ELAVL3: variants seen among roughly 807,000 people sequenced by gnomAD.
ELAVL3 encodes ELAV-like protein 3.
ELAVL3 carries 8 observed loss-of-function variants against 34.2 expected under a neutral mutation model. The ratio of observed to expected loss-of-function variants is 0.23; its 90% CI spans 0.14 to 0.42. The LOEUF is 0.42. Ranked by LOEUF, ELAVL3 falls within the 10% of genes least tolerant of loss-of-function variation. ELAVL3 has a pLI of 1.00. For missense variants in ELAVL3, 273 were observed against 518.8 expected, an observed-to-expected ratio of 0.53 and a Z score of 4.60; for synonymous variants, 209 against 222.1, an observed-to-expected ratio of 0.94 and a Z score of 0.53.
chr19:11,466,421 G>T lies in ELAVL3; in HGVS notation c.230-146C>A. On this transcript the variant is annotated intron_variant, in intron 2 of 6. Coordinates refer to ENST00000359227, the MANE Select transcript of ELAVL3 (RefSeq NM_001420.4). This position sits in a 1 kb window ranked among gnomAD's most constrained non-coding sequence, Gnocchi z 5.0. ...CACCTTCGATGCTAGAGTCCCACCT[G>T]CCTCCATCGCTCCTGAGACCTTCAC... 1.0e-6 allele frequency: 1 copy of T among 989,612 alleles called. No homozygotes were observed. Among genetic ancestry groups the T allele is most frequent in the Non-Finnish European group, 1.5e-6 (1 of 650,366 alleles). 61.3% of individuals were successfully genotyped at this position (989,612 alleles called of 1,614,324 possible). A position where few individuals can be genotyped will look rare whatever the true frequency, so the allele number is the denominator to read the frequency against.
Position 11,452,510 on chromosome 19 carries a change from C to CTG in ELAVL3, c.*2014_*2015dup, listed in dbSNP as rs1970670867. 1 of 126,496 alleles carries CTG rather than the reference C, an allele frequency of 7.9e-6. No homozygotes were observed. Among genetic ancestry groups the CTG allele is most frequent in the African/African-American group, 3.0e-5 (1 of 33,818 alleles). The allele number at this position is 126,496 out of a possible 1,614,324, so 7.8% of individuals were successfully genotyped here. ...TTCCTTTTTTTTTTTTAAATCTCTT[C>CTG]TGTGTGTTTTCTTTTTTTGTTGCTT... On this transcript the variant is annotated 3_prime_UTR_variant, in exon 7 of 7. Transcript: ENST00000359227.
chr19:11,466,813 G>A lies in ELAVL3; in HGVS notation c.24C>T (p.Ala8=). The part of the protein sequence containing the change: MVTQILG[A]MESQVGGGPA... ...GGCCCCCCCCCACCTGAGACTCCAT[G>A]GCCCCCAGTATCTGCTGGAGATAAC... is the stretch of plus-strand genomic sequence containing the variant. Residue 8 remains alanine (A), a synonymous_variant, in exon 2 of 7, where the codon GCC becomes GCT. Transcript: ENST00000359227. This position sits in a 1 kb window ranked among gnomAD's most constrained non-coding sequence, Gnocchi z 5.0. 1.2e-6 allele frequency: 2 copies of A among 1,607,302 alleles called. No homozygotes were observed. Among genetic ancestry groups the A allele is most frequent in the Non-Finnish European group, 1.7e-6 (2 of 1,176,748 alleles).
Position 11,464,167 on chromosome 19 carries a change from A to ATTTTTT in ELAVL3, c.333+1999_333+2004dup, listed in dbSNP as rs1236599277. ...TCTCTCTCTCTATATATATATATAT[A>ATTTTTT]TTTTTTTTTTTTTTAGACAGGGTCT... On this transcript the variant is annotated intron_variant, in intron 3 of 6. Coordinates refer to ENST00000359227, the MANE Select transcript of ELAVL3 (RefSeq NM_001420.4). Among the ~76,000 whole-genome samples, 274 of 103,832 alleles carry ATTTTTT rather than the reference A, an allele frequency of 2.6e-3. 1 individual carries two copies. Among genetic ancestry groups the ATTTTTT allele is most frequent in the African/African-American group, 0.011 (262 of 23,102 alleles). 68.1% of individuals were successfully genotyped at this position (103,832 alleles called of 152,430 possible). A position where few individuals can be genotyped will look rare whatever the true frequency, so the allele number is the denominator to read the frequency against.
In ELAVL3 at chr19:11,466,202, G is replaced by A. The variant is rs200694453; in HGVS notation, c.303C>T (p.Asn101=). 8.0e-5 allele frequency: 129 copies of A among 1,613,786 alleles called. No homozygotes were observed. The South Asian group carries it at 8.6e-4, about 11-fold the overall frequency. The stretch of plus-strand genomic sequence containing the variant: ...TGGTCTTCGTCTGTAATTTGAGGCC[G>A]TTGAGGGTGTTGATGGCTTTGTCTG... ...NDADKAINTL[N]GLKLQTKTIK... The change falls in exon 3 of 7, where the codon AAC becomes AAT. Residue 101 remains asparagine (N), a synonymous_variant. Transcript: ENST00000359227. The surrounding 1 kb of genome is among the most constrained non-coding windows in gnomAD (Gnocchi z 5.0).
chr19:11,465,944 G>C (rs1410010981), intron 3 of ELAVL3, among the ~76,000 whole-genome samples: 1 of 152,128 alleles, frequency 6.6e-6, no homozygotes, highest in African/African-American at 2.4e-5. Flanking sequence ...AGAGATCGTG[G>C]AGCCAGTACT....
intron 1 of ELAVL3, among the ~76,000 whole-genome samples, chr19:11,468,279 T>C (rs527323553): frequency 1.8e-3 from 267 of 152,322 alleles, no homozygotes; most frequent in Non-Finnish European, 3.2e-3. Context: ...TATTTTGTTC[T>C]TTTGCTTTTA....
chr19:11,460,649 G>T (rs1037571276), intron 3 of ELAVL3, among the ~76,000 whole-genome samples: 1 of 151,892 alleles, frequency 6.6e-6, no homozygotes, highest in Non-Finnish European at 1.5e-5. Context: ...TCTCTGCCTG[G>T]AATGCTCTTC....
rs1165917141 is a variant in ELAVL3 at position 11,464,123 on chromosome 19, G to GTCTCTC, written c.333+2043_333+2048dup. Reference sequence around the variant, plus strand: ...CCTCTCTCTCTCTCTGTCTCTCTCTGTCTCTCTCTCTCTCTCTCTCTCTCT... The same window carrying GTCTCTC: ...CCTCTCTCTCTCTCTGTCTCTCTCTGTCTCTCTCTCTCTCTCTCTCTCTCTCTCTCT... On this transcript the variant is annotated intron_variant, in intron 3 of 6. Coordinates refer to ENST00000359227, the MANE Select transcript of ELAVL3 (RefSeq NM_001420.4). 4.0e-3 allele frequency among the ~76,000 whole-genome samples: 446 copies of GTCTCTC among 110,920 alleles called. 2 individuals are homozygous for GTCTCTC. The highest frequency in any genetic ancestry group is 0.018 in the Middle Eastern group (4 of 226). 72.8% of individuals were successfully genotyped at this position (110,920 alleles called of 152,430 possible).
Position 11,454,524 on chromosome 19 carries a change from G to T in ELAVL3, c.*2C>A. On this transcript the variant is annotated 3_prime_UTR_variant, in exon 7 of 7. Transcript: ENST00000359227. This position sits in a 1 kb window ranked among gnomAD's most constrained non-coding sequence, Gnocchi z 9.2. ...GGGGGTGGGAGGGCAGGCGGGGTGG[G>T]CTCACGCCTTGTGCTGTTTGCTGGT... is the stretch of plus-strand genomic sequence containing the variant. The T allele has an allele frequency of 6.3e-7, 1 of 1,592,988 alleles. No individual in the cohort carries two copies. The highest frequency in any genetic ancestry group is 1.1e-5 in the South Asian group (1 of 88,876).
Position 11,466,429 on chromosome 19 carries a change from C to T in ELAVL3, c.230-154G>A, listed in dbSNP as rs1409451330. Among the ~76,000 whole-genome samples, 10 of 151,896 alleles carry T rather than the reference C, an allele frequency of 6.6e-5. No individual in the cohort carries two copies. Among genetic ancestry groups the T allele is most frequent in the African/African-American group, 1.9e-4 (8 of 41,300 alleles). ...ATGCTAGAGTCCCACCTGCCTCCATCGCTCCTGAGACCTTCACCTAGGGGG... is the reference window on the plus strand; with the variant it reads ...ATGCTAGAGTCCCACCTGCCTCCATTGCTCCTGAGACCTTCACCTAGGGGG... On this transcript the variant is annotated intron_variant, in intron 2 of 6. Coordinates refer to ENST00000359227, the MANE Select transcript of ELAVL3 (RefSeq NM_001420.4). The surrounding 1 kb of genome is among the most constrained non-coding windows in gnomAD (Gnocchi z 5.0).
Position 11,458,078 on chromosome 19 carries a change from A to C in ELAVL3, c.696T>G (p.His232Gln). ...SARRYAGPLHHQTQRFRLDNL... is the reference protein window; with the variant it reads ...SARRYAGPLHQQTQRFRLDNL... ...GGGCTCACCGGAAACGCTGGGTCTG[A>C]TGGTGTAGGGGGCCTGCGTAGCGCC... Residue 232 changes from histidine (H) to glutamine (Q), a missense_variant, in exon 5 of 7, where the codon CAT becomes CAG. Physicochemically the swap from His to Gln is conservative, Grantham distance 24. Around this residue, in one of 4 missense-constraint regions of ELAVL3, gnomAD observed 79 missense variants for 108.2 expected, o/e 0.73. Transcript: ENST00000359227. The surrounding 1 kb of genome is among the most constrained non-coding windows in gnomAD (Gnocchi z 7.3). 1 of 1,613,022 alleles carries C rather than the reference A, an allele frequency of 6.2e-7. No homozygotes were observed. Among genetic ancestry groups the C allele is most frequent in the African/African-American group, 1.3e-5 (1 of 75,030 alleles).
rs1250913822 is a variant in ELAVL3, at chr19:11,480,333, G to A, written c.9+267C>T. The A allele has an allele frequency of 5.0e-6, 2 of 397,662 alleles. No homozygotes were observed. Among genetic ancestry groups the A allele is most frequent in the African/African-American group, 4.1e-5 (2 of 48,254 alleles). 24.6% of individuals were successfully genotyped at this position (397,662 alleles called of 1,614,324 possible). On this transcript the variant is annotated intron_variant, in intron 1 of 6. Transcript: ENST00000359227. The surrounding 1 kb of genome is among the most constrained non-coding windows in gnomAD (Gnocchi z 6.8). ...TCCCCCATCAGGCCTGCTGGAGAGG[G>A]GGCAATCCCGCCTCCAGGGCGGCGT...
Position 11,478,373 on chromosome 19 carries a change from C to T in ELAVL3, c.9+2227G>A, listed in dbSNP as rs142720087. On this transcript the variant is annotated intron_variant, in intron 1 of 6. Coordinates refer to ENST00000359227, the MANE Select transcript of ELAVL3 (RefSeq NM_001420.4). ...TATCTCGTTTCCTCTGTGGCTGAGC[C>T]GGCTGAGCTGATAATGGGGATCAGA... 1.7e-3 allele frequency among the ~76,000 whole-genome samples: 257 copies of T among 152,198 alleles called. 1 individual carries two copies. Among genetic ancestry groups the T allele is most frequent in the Non-Finnish European group, 2.7e-3 (186 of 68,012 alleles).
intron 3 of ELAVL3, among the ~76,000 whole-genome samples, chr19:11,462,245 T>TG (rs1270098646): frequency 6.7e-6 from 1 of 149,356 alleles, no homozygotes; most frequent in Middle Eastern, 3.2e-3. Context: ...TGAGAGTGAA[T>TG]GGGGGGCAGG....
rs967467863 is a variant in ELAVL3, at chr19:11,475,901, C to T, written c.9+4699G>A. On this transcript the variant is annotated intron_variant, in intron 1 of 6. Coordinates refer to ENST00000359227, the MANE Select transcript of ELAVL3 (RefSeq NM_001420.4). Reference sequence around the variant, plus strand: ...AAGTGCTGGTATTACAGGCATAAGCCACCACGCCTGGCCCATTTACTCTTG... The same window carrying T: ...AAGTGCTGGTATTACAGGCATAAGCTACCACGCCTGGCCCATTTACTCTTG... 6.6e-5 allele frequency among the ~76,000 whole-genome samples: 10 copies of T among 152,122 alleles called. No individual in the cohort carries two copies. In the East Asian group the frequency reaches 1.7e-3, roughly 26 times the overall value.
intron 3 of ELAVL3, among the ~76,000 whole-genome samples, chr19:11,463,897 A>T (rs1970943000): frequency 6.6e-6 from 1 of 151,526 alleles, no homozygotes; most frequent in South Asian, 2.1e-4. Context: ...TGAGCCTGGG[A>T]GGCGGAGGTT....
At position 11,466,504 on chromosome 19, in the gene ELAVL3, C is replaced by G; in HGVS notation, c.229+104G>C. Reference sequence around the variant, plus strand: ...CACATCCCTAGACCACCTCCTGCCTCGATTACCCCCGAGACACCTCAGCAA... The same window carrying G: ...CACATCCCTAGACCACCTCCTGCCTGGATTACCCCCGAGACACCTCAGCAA... On this transcript the variant is annotated intron_variant, in intron 2 of 6. Transcript: ENST00000359227. The surrounding 1 kb of genome is among the most constrained non-coding windows in gnomAD (Gnocchi z 5.0). 1.5e-6 allele frequency: 2 copies of G among 1,344,476 alleles called. No homozygotes were observed. Among genetic ancestry groups the G allele is most frequent in the Non-Finnish European group, 2.1e-6 (2 of 960,008 alleles). 83.3% of individuals were successfully genotyped at this position (1,344,476 alleles called of 1,614,324 possible).
At position 11,456,387 on chromosome 19, in the gene ELAVL3, A is replaced by C. The variant is rs1480220696; in HGVS notation, c.752+723T>G. Among the ~76,000 whole-genome samples the C allele has an allele frequency of 2.6e-5, 4 of 152,166 alleles. No individual in the cohort carries two copies. In the East Asian group the frequency reaches 5.8e-4, roughly 22 times the overall value. On this transcript the variant is annotated intron_variant, in intron 6 of 6. Coordinates refer to ENST00000359227, the MANE Select transcript of ELAVL3 (RefSeq NM_001420.4). ...CCAAAGTGCTGGGATTACAGGCGTG[A>C]GCCACCGCGCCCGGCCTCTGTTACC...
At chr19:11,460,724 C>T (rs1970865502) in intron 3 of ELAVL3, among the ~76,000 whole-genome samples, 1 of 152,054 alleles carries the variant, frequency 6.6e-6, no homozygotes, top group Non-Finnish European at 1.5e-5. Flanking sequence ...TAAATTTGTC[C>T]TCCCCCCACC....
Sources: gnomAD v4.1 joint callset for allele counts (sites outside exome capture counted in the v4.1 genomes callset) on GRCh38, gnomAD v4.1.1 for gene constraint, gnomAD v4.1.1 regional missense constraint, Gnocchi (gnomAD v3.1) non-coding constraint, MANE v1.5 for transcripts, NCBI Gene and HGNC (gene_info 2026-07-23, HGNC 2026-07-21) for gene names.